The following ASIC2 variants were observed in gnomAD, a reference collection of about 807,000 sequenced individuals.
The protein encoded by ASIC2 is acid-sensing ion channel 2.
Under a neutral mutation model 57.3 loss-of-function variants are expected in ASIC2, and 25 were observed. The ratio of observed to expected loss-of-function variants is 0.44; its 90% confidence interval spans 0.32 to 0.61. The LOEUF (loss-of-function observed/expected upper bound fraction) is 0.61, where lower values mean the gene tolerates loss of function less well. Ranked by LOEUF, ASIC2 falls within the 20% of genes least tolerant of loss-of-function variation. ASIC2 has a pLI of 0.06. For missense variants in ASIC2, 641 were observed against 738.1 expected (o/e 0.87, Z 1.52); for synonymous variants, 319 against 307.5 (o/e 1.04, Z -0.39).
chr17:33,328,944 A>G (rs977874166), intron 1 of ASIC2, among the ~76,000 whole-genome samples: 1 of 152,190 alleles, frequency 6.6e-6, no homozygotes, highest in African/African-American at 2.4e-5. Context: ...TCCTCTTGCT[A>G]TATTTTTCCC....
intron 1 of ASIC2, among the ~76,000 whole-genome samples, chr17:33,522,448 G>A (rs1414098005): frequency 6.6e-6 from 1 of 152,182 alleles, no homozygotes; most frequent in African/African-American, 2.4e-5. Flanking sequence ...TAGGGGCAGC[G>A]GCTTGGCAGT....
intron 1 of ASIC2, among the ~76,000 whole-genome samples, chr17:33,985,958 C>T (rs1167719959): frequency 1.3e-5 from 2 of 152,206 alleles, no homozygotes; most frequent in Non-Finnish European, 2.9e-5. Flanking sequence ...AATTGTCTAA[C>T]TCCATTGCCT....
chr17:33,317,094 T>C (rs570015910), intron 1 of ASIC2, among the ~76,000 whole-genome samples: 27 of 152,368 alleles, frequency 1.8e-4, no homozygotes, highest in African/African-American at 6.3e-4. Flanking sequence ...TTACTAACCA[T>C]GCCACTTGCC....
intron 1 of ASIC2, among the ~76,000 whole-genome samples, chr17:33,728,113 T>G (rs1367335636): frequency 1.3e-5 from 2 of 152,146 alleles, no homozygotes; most frequent in Non-Finnish European, 1.5e-5. Context: ...AAGTCCCTCC[T>G]GCAGACTTTG....
intron 1 of ASIC2, among the ~76,000 whole-genome samples, chr17:33,905,528 T>G (rs891619168): frequency 6.6e-6 from 1 of 152,198 alleles, no homozygotes; most frequent in Admixed American, 6.5e-5. Flanking sequence ...GAGTGCTCAG[T>G]GCCTGTGCTC....
At chr17:34,127,019 A>G (rs1408061803) in intron 1 of ASIC2, among the ~76,000 whole-genome samples, 1 of 152,174 alleles carries the variant, frequency 6.6e-6, no homozygotes, top group Non-Finnish European at 1.5e-5. Flanking sequence ...TAAGAAATTA[A>G]GGTGGGAGGG....
intron 1 of ASIC2, among the ~76,000 whole-genome samples, chr17:33,563,058 C>A (rs1488008584): frequency 6.6e-6 from 1 of 152,184 alleles, no homozygotes; most frequent in Non-Finnish European, 1.5e-5. Context: ...GGAATGGGAA[C>A]TCTTGGGCCA....
chr17:33,460,135 C>G (rs534452650), intron 1 of ASIC2, among the ~76,000 whole-genome samples: 4 of 152,180 alleles, frequency 2.6e-5, no homozygotes, highest in Admixed American at 2.6e-4. Flanking sequence ...ATCCTGACCT[C>G]GGTGTCCAGA....
At chr17:33,289,494 AG>A (rs1326004921) in intron 1 of ASIC2, among the ~76,000 whole-genome samples, 1 of 152,068 alleles carries the variant, frequency 6.6e-6, no homozygotes, top group Non-Finnish European at 1.5e-5. Flanking sequence ...CAGGATTCCT[AG>A]GAGTAGAGGT....
chr17:33,270,307 A>T (rs1399021139), intron 1 of ASIC2, among the ~76,000 whole-genome samples: 1 of 152,178 alleles, frequency 6.6e-6, no homozygotes, highest in African/African-American at 2.4e-5. Context: ...TTATGTTATA[A>T]TCAGCCCATT....
intron 1 of ASIC2, among the ~76,000 whole-genome samples, chr17:34,076,631 T>C (rs922188310): frequency 6.6e-6 from 1 of 152,152 alleles, no homozygotes; most frequent in Admixed American, 6.5e-5. Context: ...GCTCTCATTG[T>C]TCATAATTTG....
At chr17:33,142,316 GC>G (rs1331461046) in intron 1 of ASIC2, among the ~76,000 whole-genome samples, 1 of 152,216 alleles carries the variant, frequency 6.6e-6, no homozygotes, top group East Asian at 1.9e-4. Flanking sequence ...TTGAGAAGTA[GC>G]ATTTCTGCCC....
intron 1 of ASIC2, among the ~76,000 whole-genome samples, chr17:33,626,573 A>G (rs113796006): frequency 2.4e-4 from 36 of 152,318 alleles, no homozygotes; most frequent in Non-Finnish European, 4.1e-4. Context: ...GTGGTACATC[A>G]TGCTTTGGGA....
At chr17:34,126,902 C>A (rs1401555320) in intron 1 of ASIC2, among the ~76,000 whole-genome samples, 4 of 152,142 alleles carry the variant, frequency 2.6e-5, no homozygotes, top group South Asian at 2.1e-4. Context: ...TGCTGAGTAG[C>A]CCGGGCACGT....
At chr17:33,494,101 C>T (rs944246047) in intron 1 of ASIC2, among the ~76,000 whole-genome samples, 1 of 152,212 alleles carries the variant, frequency 6.6e-6, no homozygotes, top group African/African-American at 2.4e-5. Context: ...TGGGCCAGGA[C>T]CTGCCCTTCT....
chr17:33,737,834 A>G (rs1428429330), intron 1 of ASIC2, among the ~76,000 whole-genome samples: 1 of 152,238 alleles, frequency 6.6e-6, no homozygotes, highest in Non-Finnish European at 1.5e-5. Context: ...CTTAAAAGTA[A>G]CTTGTGAGTA....
chr17:33,367,608 C>G (rs1908864758), intron 1 of ASIC2, among the ~76,000 whole-genome samples: 1 of 152,176 alleles, frequency 6.6e-6, no homozygotes, highest in Non-Finnish European at 1.5e-5. Context: ...GGTACTCACT[C>G]TTTTTTTGTT....
At chr17:34,042,809 CA>C (rs1358460600) in intron 1 of ASIC2, among the ~76,000 whole-genome samples, 1 of 152,118 alleles carries the variant, frequency 6.6e-6, no homozygotes, top group Non-Finnish European at 1.5e-5. Context: ...AATTATAATA[CA>C]ATAAAGCTAT....
intron 1 of ASIC2, among the ~76,000 whole-genome samples, chr17:33,904,156 T>A: frequency 1.5e-5 from 1 of 68,140 alleles, no homozygotes; most frequent in Non-Finnish European, 2.5e-5. Flanking sequence ...AGAGTGAAAC[T>A]CCGTCTCAAA....
Sources: gnomAD v4.1 joint callset for allele counts (sites outside exome capture counted in the v4.1 genomes callset) on GRCh38, gnomAD v4.1.1 for gene constraint, MANE v1.5 for transcripts, NCBI Gene and HGNC (gene_info 2026-07-23, HGNC 2026-07-21) for gene names.